The following SMCHD1 variants were observed in gnomAD, a reference collection of about 807,000 sequenced individuals.
The protein encoded by SMCHD1 is structural maintenance of chromosomes flexible hinge domain-containing protein 1.
Under a neutral mutation model 254.7 loss-of-function variants are expected in SMCHD1, and 78 were observed. The observed-to-expected ratio is 0.31, with a 90% CI of 0.26 to 0.37. SMCHD1 has a LOEUF of 0.37. Ranked by LOEUF, SMCHD1 falls within the 10% of genes least tolerant of loss-of-function variation. The pLI is 1.00. For missense variants in SMCHD1, 1,840 were observed against 2,408.1 expected (o/e 0.76, Z 4.94); for synonymous variants, 766 against 794.9 (o/e 0.96, Z 0.61).
At chr18:2,680,771 C>T (rs1271382284) in intron 5 of SMCHD1, among the ~76,000 whole-genome samples, 2 of 152,170 alleles carry the variant, frequency 1.3e-5, no homozygotes, top group Non-Finnish European at 2.9e-5. Flanking sequence ...TTGTTTTCTC[C>T]AACTGTTTTC....
chr18:2,767,740 C>T (rs1320620081), intron 37 of SMCHD1, among the ~76,000 whole-genome samples: 1 of 151,784 alleles, frequency 6.6e-6, no homozygotes, highest in Admixed American at 6.6e-5. Flanking sequence ...CAGGCGCGTG[C>T]CCACCACACC....
At chr18:2,783,466 T>C (rs2076190714) in intron 44 of SMCHD1, among the ~76,000 whole-genome samples, 1 of 152,206 alleles carries the variant, frequency 6.6e-6, no homozygotes, top group African/African-American at 2.4e-5. Flanking sequence ...CAATGAAGTT[T>C]AACTTTTATT....
rs2076400826 is a variant in SMCHD1, at chr18:2,803,558, A to T, written c.*1006A>T. On this transcript the variant is annotated 3_prime_UTR_variant, in exon 48 of 48. Coordinates refer to ENST00000320876, the MANE Select transcript of SMCHD1 (RefSeq NM_015295.3). ...GTCCCAGGAAATGTATGTGTTTTTA[A>T]ACCCTTTCTAAATATGCAGGCCATT... is the stretch of plus-strand genomic sequence containing the variant. 1 of 152,126 alleles carries T rather than the reference A, an allele frequency of 6.6e-6. No individual in the cohort carries two copies. Among genetic ancestry groups the T allele is most frequent in the South Asian group, 2.1e-4 (1 of 4,832 alleles). The allele number at this position is 152,126 out of a possible 1,614,324, so 9.4% of individuals were successfully genotyped here. A position where few individuals can be genotyped will look rare whatever the true frequency, so the allele number is the denominator to read the frequency against.
intron 3 of SMCHD1, among the ~76,000 whole-genome samples, chr18:2,671,082 G>T (rs998893472): frequency 4.0e-5 from 6 of 151,298 alleles, no homozygotes; most frequent in Middle Eastern, 6.8e-3. Flanking sequence ...GATTACAGGC[G>T]TGCACCACCA....
chr18:2,749,825 A>G (rs1319510177), intron 30 of SMCHD1, among the ~76,000 whole-genome samples: 1 of 152,210 alleles, frequency 6.6e-6, no homozygotes, highest in Non-Finnish European at 1.5e-5. Context: ...AATTCTAGTG[A>G]AATTGATCAA....
At chr18:2,760,792 T>C (rs995190379) in intron 35 of SMCHD1, 53 bp downstream of exon 35, 34 of 1,033,570 alleles carry the variant, frequency 3.3e-5, no homozygotes, top group Middle Eastern at 4.1e-4. Context: ...TCTTTTTTTT[T>C]CCCTCTTGGT....
chr18:2,685,116 TTTGAGACGAGTCTCGTTC>T, intron 5 of SMCHD1, among the ~76,000 whole-genome samples: 1 of 146,588 alleles, frequency 6.8e-6, no homozygotes, highest in African/African-American at 2.5e-5. Flanking sequence ...TTTTTTTTTT[TTTGAGACGAGTCTCGTTC>T]TTTTGCCCAG....
intron 41 of SMCHD1, among the ~76,000 whole-genome samples, chr18:2,773,275 T>C (rs917279752): frequency 1.2e-4 from 18 of 152,342 alleles, no homozygotes; most frequent in African/African-American, 4.1e-4. Flanking sequence ...TAAAATATTA[T>C]TCCAATTTTT....
intron 2 of SMCHD1, 134 bp downstream of exon 2, chr18:2,666,366 A>G (rs2073437721): frequency 1.9e-6 from 1 of 538,870 alleles, no homozygotes; most frequent in Admixed American, 3.6e-5. Context: ...GAGGGAGGAA[A>G]CTGGCTGCAT....
At chr18:2,742,242 G>A (rs76358667) in intron 28 of SMCHD1, among the ~76,000 whole-genome samples, 1 of 152,086 alleles carries the variant, frequency 6.6e-6, no homozygotes, top group Non-Finnish European at 1.5e-5. Context: ...CAGCCAAGTG[G>A]ACTTTTTTTC....
chr18:2,786,942 G>A (rs1040283523), intron 45 of SMCHD1, among the ~76,000 whole-genome samples: 11 of 145,348 alleles, frequency 7.6e-5, no homozygotes, highest in Non-Finnish European at 1.7e-4. Flanking sequence ...TGAATGAAAT[G>A]TACAATTTAT....
chr18:2,762,359 G>C (rs2143692747), intron 36 of SMCHD1, 123 bp downstream of exon 36: 1 of 748,026 alleles, frequency 1.3e-6, no homozygotes, highest in Non-Finnish European at 2.1e-6. Flanking sequence ...GGGAAAACTT[G>C]TGCAGATGAA....
chr18:2,799,131 T>G (rs1224905253), intron 47 of SMCHD1, among the ~76,000 whole-genome samples: 1 of 152,172 alleles, frequency 6.6e-6, no homozygotes, highest in Non-Finnish European at 1.5e-5. Context: ...TTAAATTCTC[T>G]AGAAGCCATA....
At chr18:2,785,670 A>AAAAAAAAG (rs57180698) in intron 45 of SMCHD1, among the ~76,000 whole-genome samples, 5,902 of 97,900 alleles carry the variant, frequency 0.06, 1,234 homozygotes, top group Admixed American at 0.092. Flanking sequence ...AAAAAAAAAA[A>AAAAAAAAG]ACAGTTCATT....
At chr18:2,799,200 A>G (rs1026835445) in intron 47 of SMCHD1, among the ~76,000 whole-genome samples, 7 of 152,206 alleles carry the variant, frequency 4.6e-5, no homozygotes, top group East Asian at 1.9e-4. Context: ...ATTGAACCCA[A>G]TATCCAAAAT....
chr18:2,693,784 A>G (rs1322040265), intron 7 of SMCHD1, among the ~76,000 whole-genome samples: 5 of 152,040 alleles, frequency 3.3e-5, no homozygotes, highest in Admixed American at 3.3e-4. Flanking sequence ...GGCGTGTACC[A>G]CCACGCCTGG....
chr18:2,745,265 T>C (rs1178365465), intron 29 of SMCHD1, among the ~76,000 whole-genome samples: 1 of 152,226 alleles, frequency 6.6e-6, no homozygotes, highest in Non-Finnish European at 1.5e-5. Flanking sequence ...GCAATTCTTC[T>C]GCCTCATTCT....
At chr18:2,747,799 A>T (rs1218841219) in intron 30 of SMCHD1, among the ~76,000 whole-genome samples, 152 bp downstream of exon 30, 1 of 152,224 alleles carries the variant, frequency 6.6e-6, no homozygotes, top group Non-Finnish European at 1.5e-5. Context: ...AAAATTTTTA[A>T]AATTATTTTG....
intron 1 of SMCHD1, among the ~76,000 whole-genome samples, chr18:2,663,466 A>G (rs1335171933): frequency 6.6e-6 from 1 of 151,904 alleles, no homozygotes; most frequent in Non-Finnish European, 1.5e-5. Flanking sequence ...TTATTTCCCT[A>G]TGTGTTCTTT....
Sources: allele counts gnomAD v4.1 joint callset (sites outside exome capture counted in the v4.1 genomes callset), GRCh38; gene constraint gnomAD v4.1.1; transcripts MANE v1.5; gene names NCBI Gene and HGNC (gene_info 2026-07-23, HGNC 2026-07-21).